Variants in ADAM12 observed in about 807,000 individuals in gnomAD.
ADAM12 encodes the protein disintegrin and metalloproteinase domain-containing protein 12.
A neutral mutation model predicts 106.4 loss-of-function variants in ADAM12; 70 were observed. The ratio of observed to expected loss-of-function variants is 0.66; its 90% CI spans 0.54 to 0.80. The LOEUF is 0.80. ADAM12 is among the 30% of genes least tolerant of loss of function. The pLI is 0.00. For missense variants in ADAM12, 1,010 were observed against 1,171.9 expected, an observed-to-expected ratio of 0.86 and a Z score of 2.02; for synonymous variants, 420 against 433.5, an observed-to-expected ratio of 0.97 and a Z score of 0.39.
chr10:126,162,660 A>C (rs1410165040), intron 3 of ADAM12, among the ~76,000 whole-genome samples: 1 of 152,120 alleles, frequency 6.6e-6, no homozygotes, highest in African/African-American at 2.4e-5. Flanking sequence ...GTTAGCAAGG[A>C]GGCTGGTGTG....
At position 126,118,085 on chromosome 10, in the gene ADAM12, C is replaced by T. The variant is rs377630592; in HGVS notation, c.556G>A (p.Ala186Thr). 101 of 1,613,982 alleles carry T rather than the reference C, an allele frequency of 6.3e-5. No individual in the cohort carries two copies. The highest frequency in any genetic ancestry group is 7.5e-5 in the Non-Finnish European group (89 of 1,179,976). Residue 186 changes from alanine (A) to threonine (T), a missense_variant, in exon 6 of 23, where the codon GCT (alanine) becomes ACT (threonine). Coordinates refer to ENST00000448723, the MANE Select transcript of ADAM12 (RefSeq NM_001288973.2). ...CGSHHNTPNL[A>T]AKNVFPPPSQ... ...GGTGGTGGAAACACATTCTTTGCAG[C>T]GAGGTTTGGTGTGTTGTGATGTGAT...
At chr10:126,022,228 ACT>A (rs1274928509) in intron 21 of ADAM12, among the ~76,000 whole-genome samples, 1 of 152,084 alleles carries the variant, frequency 6.6e-6, no homozygotes, top group Non-Finnish European at 1.5e-5. Flanking sequence ...TATTAATCAC[ACT>A]CTCTCAGGCA....
intron 1 of ADAM12, among the ~76,000 whole-genome samples, chr10:126,340,354 G>C (rs1192190063): frequency 6.6e-6 from 1 of 152,162 alleles, no homozygotes; most frequent in Non-Finnish European, 1.5e-5. Context: ...ATGCAAGGAA[G>C]CCCCATTCTA....
intron 3 of ADAM12, among the ~76,000 whole-genome samples, chr10:126,215,528 G>A (rs1957972206): frequency 6.6e-6 from 1 of 152,160 alleles, no homozygotes; most frequent in Admixed American, 6.5e-5. Flanking sequence ...AATCTGTGAG[G>A]GAAGTGTGCT....
chr10:126,058,016 C>T (rs1271202551), intron 14 of ADAM12, among the ~76,000 whole-genome samples: 3 of 152,144 alleles, frequency 2.0e-5, no homozygotes, highest in Admixed American at 1.3e-4. Context: ...GGCACATGAC[C>T]GAAGCCAGGG....
Position 126,294,939 on chromosome 10 carries a change from T to C in ADAM12, c.187-15951A>G, listed in dbSNP as rs559936189. On this transcript the variant is annotated intron_variant, in intron 2 of 22. Transcript: ENST00000448723. ...GTATGTGTGTGTGTGCCTGTGTGTA[T>C]TCTCCCTAAGTATACAGTAGGGTCT... is the stretch of plus-strand genomic sequence containing the variant. Among the ~76,000 whole-genome samples, 7 of 152,148 alleles carry C rather than the reference T, an allele frequency of 4.6e-5. No individual in the cohort carries two copies. The East Asian group carries it at 1.4e-3, about 29-fold the overall frequency.
At chr10:126,215,270 C>T (rs1957967695) in intron 3 of ADAM12, among the ~76,000 whole-genome samples, 1 of 152,194 alleles carries the variant, frequency 6.6e-6, no homozygotes, top group African/African-American at 2.4e-5. Flanking sequence ...ACCAGCACTA[C>T]TGACAGGGGT....
chr10:126,099,333 G>T (rs906013349), intron 9 of ADAM12, among the ~76,000 whole-genome samples: 1 of 152,048 alleles, frequency 6.6e-6, no homozygotes, highest in African/African-American at 2.4e-5. Context: ...AACAGAAAGT[G>T]GTAAGTGTAT....
At chr10:126,369,601 G>A (rs1011964078) in intron 1 of ADAM12, among the ~76,000 whole-genome samples, 6 of 152,134 alleles carry the variant, frequency 3.9e-5, no homozygotes, top group African/African-American at 1.4e-4. Flanking sequence ...AAAAGGACAT[G>A]AAACAGCTAA....
intron 2 of ADAM12, among the ~76,000 whole-genome samples, chr10:126,311,184 T>C (rs1275607051): frequency 6.6e-6 from 1 of 151,728 alleles, no homozygotes. Flanking sequence ...GACTCCTCAT[T>C]GGTTTTCTGA....
intron 22 of ADAM12, among the ~76,000 whole-genome samples, chr10:126,018,960 C>T (rs954971387): frequency 6.6e-6 from 1 of 152,162 alleles, no homozygotes. Context: ...TGGAGGTGGG[C>T]ATTGAGATGG....
chr10:126,086,173 G>A lies in ADAM12; in HGVS notation c.1145+7812C>T, dbSNP rs1590388936. ...CAGAATTAAATGGCTTAAAAATGGG[G>A]CTACCTCCCACCTCCCAGAGGTTGC... is the stretch of plus-strand genomic sequence containing the variant. On this transcript the variant is annotated intron_variant, in intron 11 of 22. Transcript: ENST00000448723. Among the ~76,000 whole-genome samples, 3 of 152,214 alleles carry A rather than the reference G, an allele frequency of 2.0e-5. No homozygotes were observed. In the Middle Eastern group the frequency reaches 0.01, roughly 518 times the overall value.
intron 2 of ADAM12, among the ~76,000 whole-genome samples, chr10:126,311,809 C>T (rs767984631): frequency 5.3e-5 from 8 of 152,146 alleles, no homozygotes; most frequent in Non-Finnish European, 1.2e-4. Context: ...ATAGGCACCT[C>T]TTCATCTGGC....
chr10:126,077,683 C>G (rs1305207228), intron 11 of ADAM12, among the ~76,000 whole-genome samples: 1 of 152,194 alleles, frequency 6.6e-6, no homozygotes, highest in Non-Finnish European at 1.5e-5. Context: ...GCTGGGATAA[C>G]TGGCTAACCA....
intron 5 of ADAM12, among the ~76,000 whole-genome samples, chr10:126,125,249 CTTTTTTTTT>C (rs35917087): frequency 6.2e-4 from 83 of 134,254 alleles, no homozygotes; most frequent in Non-Finnish European, 8.5e-4. Flanking sequence ...CTTTTCTTTT[CTTTTTTTTT>C]TTTTTGAAAC....
chr10:126,286,653 G>A (rs1479045734), intron 2 of ADAM12, among the ~76,000 whole-genome samples: 3 of 152,228 alleles, frequency 2.0e-5, no homozygotes, highest in South Asian at 2.1e-4. Flanking sequence ...GAAGATATGC[G>A]CACTGTGGAA....
chr10:126,019,563 G>T, intron 22 of ADAM12, 132 bp downstream of exon 22: 1 of 1,175,822 alleles, frequency 8.5e-7, no homozygotes, highest in Non-Finnish European at 1.2e-6. Flanking sequence ...TCTATTTTAC[G>T]GTATTCCCAG....
chr10:126,186,896 GA>G (rs1330277175), intron 3 of ADAM12, among the ~76,000 whole-genome samples: 1 of 152,164 alleles, frequency 6.6e-6, no homozygotes, highest in African/African-American at 2.4e-5. Context: ...GCAGCTCTGG[GA>G]AGCAGGCACT....
intron 3 of ADAM12, among the ~76,000 whole-genome samples, chr10:126,180,419 G>A (rs769813001): frequency 3.7e-4 from 57 of 152,162 alleles, no homozygotes; most frequent in Non-Finnish European, 7.8e-4. Flanking sequence ...CGGTACTCAC[G>A]TGTGTTCATG....
Sources: gnomAD v4.1 joint callset for allele counts (sites outside exome capture counted in the v4.1 genomes callset) on GRCh38, gnomAD v4.1.1 for gene constraint, MANE v1.5 for transcripts, NCBI Gene and HGNC (gene_info 2026-07-23, HGNC 2026-07-21) for gene names.